Variants in TRAPPC9 observed in about 807,000 individuals in gnomAD.
TRAPPC9 encodes the protein IKK2 binding protein.
A neutral mutation model predicts 124.0 loss-of-function variants in TRAPPC9; 83 were observed. That is an observed-to-expected ratio of 0.67 (90% CI 0.56 to 0.80). The LOEUF (loss-of-function observed/expected upper bound fraction) is 0.80. TRAPPC9 is among the 30% of genes least tolerant of loss of function. TRAPPC9 has a pLI of 0.00. For missense variants in TRAPPC9, 1,302 were observed against 1,508.3 expected (o/e 0.86, Z 2.27); for synonymous variants, 638 against 617.5 (o/e 1.03, Z -0.49).
intron 5 of TRAPPC9, among the ~76,000 whole-genome samples, chr8:140,409,708 G>C (rs1339455633): frequency 1.3e-5 from 2 of 151,844 alleles, no homozygotes; most frequent in Non-Finnish European, 2.9e-5. Flanking sequence ...AAAACACCAA[G>C]TACAAAAGAA....
intron 17 of TRAPPC9, among the ~76,000 whole-genome samples, chr8:140,115,124 C>T (rs1205174775): frequency 1.3e-5 from 2 of 152,088 alleles, no homozygotes; most frequent in African/African-American, 2.4e-5. Context: ...CCACAGACAC[C>T]GAAATCCTTG....
At chr8:140,098,305 G>C (rs1054629274) in intron 17 of TRAPPC9, 1 of 152,076 alleles carries the variant, frequency 6.6e-6, no homozygotes, top group Non-Finnish European at 1.5e-5. Context: ...TACCACAGGG[G>C]AAGACACCCA....
intron 17 of TRAPPC9, among the ~76,000 whole-genome samples, chr8:140,177,011 T>C (rs544222666): frequency 7.9e-5 from 12 of 152,352 alleles, no homozygotes; most frequent in African/African-American, 2.9e-4. Flanking sequence ...TGTCTTACTA[T>C]TGGTTGTAAG....
chr8:140,272,009 G>A (rs2064904168), intron 15 of TRAPPC9, among the ~76,000 whole-genome samples: 2 of 126,860 alleles, frequency 1.6e-5, no homozygotes, highest in Non-Finnish European at 3.4e-5. Flanking sequence ...AGTGATGGTG[G>A]TGACGGGTGA....
intron 19 of TRAPPC9, among the ~76,000 whole-genome samples, chr8:139,973,905 CCA>C (rs2131622428): frequency 6.6e-6 from 1 of 152,248 alleles, no homozygotes; most frequent in South Asian, 2.1e-4. Flanking sequence ...GCGAACCTCC[CCA>C]CACACCCTGT....
At chr8:140,099,959 T>C (rs2060543845) in intron 17 of TRAPPC9, 1 of 149,752 alleles carries the variant, frequency 6.7e-6, no homozygotes, top group Non-Finnish European at 1.5e-5. Flanking sequence ...CAGCTAGGTC[T>C]CAGCGCGCAG....
At chr8:139,783,856 T>C (rs1459130355) in intron 21 of TRAPPC9, among the ~76,000 whole-genome samples, 1 of 152,232 alleles carries the variant, frequency 6.6e-6, no homozygotes. Flanking sequence ...TCAATCAACG[T>C]AATTCACCAT....
At chr8:140,423,723 C>T (rs1188897355) in intron 5 of TRAPPC9, among the ~76,000 whole-genome samples, 1 of 151,458 alleles carries the variant, frequency 6.6e-6, no homozygotes, top group Non-Finnish European at 1.5e-5. Flanking sequence ...TACATATATA[C>T]ACATATATAC....
chr8:140,365,213 G>C (rs1451688248), intron 8 of TRAPPC9, among the ~76,000 whole-genome samples: 1 of 151,998 alleles, frequency 6.6e-6, no homozygotes, highest in Non-Finnish European at 1.5e-5. Context: ...ACCAGTAAAC[G>C]AGTGTAAACT....
chr8:140,085,082 G>A (rs1844098645), intron 17 of TRAPPC9, among the ~76,000 whole-genome samples: 1 of 152,144 alleles, frequency 6.6e-6, no homozygotes, highest in South Asian at 2.1e-4. Context: ...GGGGGTGCAG[G>A]GAGAGCACAC....
intron 19 of TRAPPC9, among the ~76,000 whole-genome samples, chr8:139,973,536 T>C (rs1836237911): frequency 6.6e-6 from 1 of 152,226 alleles, no homozygotes; most frequent in Non-Finnish European, 1.5e-5. Context: ...CTGAAAAAGT[T>C]GAAATGTTCC....
chr8:140,160,274 A>G (rs1329117416), intron 17 of TRAPPC9, among the ~76,000 whole-genome samples: 1 of 152,196 alleles, frequency 6.6e-6, no homozygotes, highest in Non-Finnish European at 1.5e-5. Context: ...AATACCATTT[A>G]ACCCAGTGAT....
intron 9 of TRAPPC9, among the ~76,000 whole-genome samples, chr8:140,351,532 G>A (rs1459184589): frequency 6.6e-6 from 1 of 152,144 alleles, no homozygotes; most frequent in African/African-American, 2.4e-5. Flanking sequence ...ACTTCGGGAG[G>A]CTGAGGCAGG....
intron 15 of TRAPPC9, among the ~76,000 whole-genome samples, chr8:140,253,681 AG>A (rs760800118): frequency 2.1e-4 from 32 of 151,746 alleles, no homozygotes; most frequent in Middle Eastern, 3.4e-3. Flanking sequence ...CCATCTCAAA[AG>A]AAAAAAAAAA....
chr8:140,004,775 ACT>A (rs1838639767), intron 18 of TRAPPC9, among the ~76,000 whole-genome samples: 1 of 152,018 alleles, frequency 6.6e-6, no homozygotes, highest in Non-Finnish European at 1.5e-5. Flanking sequence ...ATCAAGTGAG[ACT>A]CTCTTTTCCC....
At chr8:139,764,700 G>T (rs925117954) in intron 21 of TRAPPC9, among the ~76,000 whole-genome samples, 5 of 152,142 alleles carry the variant, frequency 3.3e-5, no homozygotes, top group African/African-American at 7.2e-5. Flanking sequence ...AGGCGTCCCT[G>T]TCCTGGTGTG....
At chr8:139,743,773 TA>T (rs1818711343) in intron 21 of TRAPPC9, among the ~76,000 whole-genome samples, 1 of 152,192 alleles carries the variant, frequency 6.6e-6, no homozygotes, top group Non-Finnish European at 1.5e-5. Context: ...ACATCCCATA[TA>T]AAACCCTCTC....
At chr8:140,325,686 G>C (rs970768152) in intron 9 of TRAPPC9, among the ~76,000 whole-genome samples, 1 of 152,172 alleles carries the variant, frequency 6.6e-6, no homozygotes, top group African/African-American at 2.4e-5. Flanking sequence ...AACATTTAAA[G>C]AAGAAATAAT....
chr8:139,763,754 G>T (rs1011313496), intron 21 of TRAPPC9, among the ~76,000 whole-genome samples: 3 of 152,250 alleles, frequency 2.0e-5, no homozygotes, highest in African/African-American at 7.2e-5. Flanking sequence ...ACGTGGGTCA[G>T]GGGAGACGAG....
Sources: allele counts gnomAD v4.1 joint callset (sites outside exome capture counted in the v4.1 genomes callset), GRCh38; gene constraint gnomAD v4.1.1; transcripts MANE v1.5; gene names NCBI Gene and HGNC (gene_info 2026-07-23, HGNC 2026-07-21).